RRM2B: variants seen among roughly 807,000 people sequenced by gnomAD.
RRM2B encodes ribonucleotide reductase regulatory TP53 inducible subunit M2B.
Under a neutral mutation model 45.9 loss-of-function variants are expected in RRM2B, and 20 were observed. The observed-to-expected ratio is 0.44, with a 90% CI of 0.31 to 0.63. The LOEUF (loss-of-function observed/expected upper bound fraction) is 0.63, where lower values mean the gene tolerates loss of function less well. RRM2B is among the 30% of genes least tolerant of loss of function. The probability of loss-of-function intolerance (pLI) is 0.09; values close to 1 mark genes in which losing one functional copy is unlikely to be tolerated. For missense variants in RRM2B, 320 were observed against 414.7 expected (o/e 0.77, Z 1.98); for synonymous variants, 124 against 132.3 (o/e 0.94, Z 0.43).
At chr8:102,222,661 T>C (rs915824352) in intron 5 of RRM2B, among the ~76,000 whole-genome samples, 1 of 152,182 alleles carries the variant, frequency 6.6e-6, no homozygotes, top group Non-Finnish European at 1.5e-5. Context: ...CTAAATAAAA[T>C]ATTCCTCCCT....
At chr8:102,213,947 T>C (rs1219466498) in intron 7 of RRM2B, 107 bp downstream of exon 7, 4 of 765,622 alleles carry the variant, frequency 5.2e-6, no homozygotes, top group African/African-American at 3.4e-5. Context: ...CAGAATAAAA[T>C]TGCTGGTATT....
Position 102,218,800 on chromosome 8 carries a change from A to G in RRM2B, c.684+14T>C. ...TGAATACAAATATAACTAGAAAAAC[A>G]TTCCATTCCTTACTTCATCTCTGCT... On this transcript the variant is annotated intron_variant, in intron 6 of 8. Coordinates refer to ENST00000251810, the MANE Select transcript of RRM2B (RefSeq NM_015713.5). 1.3e-6 allele frequency: 2 copies of G among 1,599,882 alleles called. No individual in the cohort carries two copies. Among genetic ancestry groups the G allele is most frequent in the Non-Finnish European group, 1.7e-6 (2 of 1,167,402 alleles).
chr8:102,226,809 G>GT lies in RRM2B; in HGVS notation c.205-776dup, dbSNP rs577686030. On this transcript the variant is annotated intron_variant, in intron 2 of 8. Coordinates refer to ENST00000251810, the MANE Select transcript of RRM2B (RefSeq NM_015713.5). The stretch of plus-strand genomic sequence containing the variant: ...GCTCACTGCAACCTTCGCCTCCCAG[G>GT]TTCAAGCAATCCTCCTGCCTCAGCC... Among the ~76,000 whole-genome samples the GT allele has an allele frequency of 1.1e-4, 16 of 152,306 alleles. No individual in the cohort carries two copies. The South Asian group carries it at 2.9e-3, about 28-fold the overall frequency.
At chr8:102,238,589 G>A in intron 1 of RRM2B, 1 of 1,526,798 alleles carries the variant, frequency 6.5e-7, no homozygotes, top group Non-Finnish European at 8.8e-7. Context: ...CGTCGTCCTT[G>A]GCTGGCCCCG....
In RRM2B at chr8:102,212,764, T is replaced by G. The variant is rs768500841; in HGVS notation, c.903+12A>C. The stretch of plus-strand genomic sequence containing the variant: ...ATTTTAACTAGTAGTAACACATTTT[T>G]AAACACATTACCTTTGAGAATCCAA... On this transcript the variant is annotated intron_variant, in intron 8 of 8. Transcript: ENST00000251810. 5.7e-6 allele frequency: 8 copies of G among 1,408,498 alleles called. No homozygotes were observed. The South Asian group carries it at 9.2e-5, about 16-fold the overall frequency. 87.3% of individuals were successfully genotyped at this position (1,408,498 alleles called of 1,614,324 possible).
At position 102,232,272 on chromosome 8, in the gene RRM2B, T is replaced by C; in HGVS notation, c.81A>G (p.Ile27Met). The change falls in exon 2 of 9, where the codon ATA (isoleucine) becomes ATG (methionine). Residue 27 changes from isoleucine to methionine, a missense_variant. Physicochemically the swap from Ile to Met is conservative, Grantham distance 10. Around this residue, in one of 3 missense-constraint regions of RRM2B, gnomAD observed 48 missense variants for 35.3 expected, o/e 1.36. Coordinates refer to ENST00000251810, the MANE Select transcript of RRM2B (RefSeq NM_015713.5). Reference sequence around the variant, plus strand: ...TTAGGAGTGGCTCTTCATTTGACTTTATTTCACTTTCGTTGGTGTCTGAAG... The same window carrying C: ...TTAGGAGTGGCTCTTCATTTGACTTCATTTCACTTTCGTTGGTGTCTGAAG... ...RSSSDTNESE[I>M]KSNEEPLLRK... 7 of 1,614,194 alleles carry C rather than the reference T, an allele frequency of 4.3e-6. No individual in the cohort carries two copies. Among genetic ancestry groups the C allele is most frequent in the Non-Finnish European group, 5.9e-6 (7 of 1,180,002 alleles).
At chr8:102,215,274 A>ATGG (rs200638932) in intron 6 of RRM2B, among the ~76,000 whole-genome samples, 5,337 of 151,608 alleles carry the variant, frequency 0.035, 162 homozygotes, top group Admixed American at 0.085. Flanking sequence ...TTAGTCAGGC[A>ATGG]TGGTGCACAC....
At chr8:102,237,249 CTT>C (rs1811136941) in intron 1 of RRM2B, among the ~76,000 whole-genome samples, 5 of 152,296 alleles carry the variant, frequency 3.3e-5, no homozygotes, top group Admixed American at 3.3e-4. Context: ...CTATGGACCC[CTT>C]TCTCAGAAGA....
intron 8 of RRM2B, among the ~76,000 whole-genome samples, chr8:102,212,480 T>C: frequency 6.6e-6 from 1 of 152,220 alleles, no homozygotes; most frequent in East Asian, 1.9e-4. Context: ...GGTGAATATA[T>C]ATATGCATAT....
Position 102,208,105 on chromosome 8 carries a change from T to G in RRM2B, c.*28A>C. ...TAGACTACTATTTACCAATGACAAGTTTATAGAGTTTTAAAACGAGAGGTT... is the reference window on the plus strand; with the variant it reads ...TAGACTACTATTTACCAATGACAAGGTTATAGAGTTTTAAAACGAGAGGTT... On this transcript the variant is annotated 3_prime_UTR_variant, in exon 9 of 9. Coordinates refer to ENST00000251810, the MANE Select transcript of RRM2B (RefSeq NM_015713.5). 1 of 1,592,496 alleles carries G rather than the reference T, an allele frequency of 6.3e-7. No homozygotes were observed. Among genetic ancestry groups the G allele is most frequent in the East Asian group, 2.2e-5 (1 of 44,726 alleles).
chr8:102,224,468 C>T (rs1467138356), intron 4 of RRM2B, among the ~76,000 whole-genome samples: 1 of 152,142 alleles, frequency 6.6e-6, no homozygotes, highest in Non-Finnish European at 1.5e-5. Flanking sequence ...GCCACCATGC[C>T]TTGGCCTCAC....
Position 102,214,151 on chromosome 8 carries a change from T to C in RRM2B, c.692A>G (p.His231Arg). Residue 231 changes from histidine (H) to arginine (R), a missense_variant, in exon 7 of 9, where the codon CAC becomes CGC. Around this residue, in one of 3 missense-constraint regions of RRM2B, gnomAD observed 225 missense variants for 289.4 expected, o/e 0.78. Transcript: ENST00000251810. ...NELISRDEGL[H>R]CDFACLMFQY... ...GAACATCAGGCAAGCAAAGTCACAG[T>C]GAAGTCCCTAAAAGGGAAGAAAAAT... is the stretch of plus-strand genomic sequence containing the variant. 6.2e-7 allele frequency: 1 copy of C among 1,610,618 alleles called. No homozygotes were observed. The highest frequency in any genetic ancestry group is 8.5e-7 in the Non-Finnish European group (1 of 1,177,122).
intron 1 of RRM2B, among the ~76,000 whole-genome samples, chr8:102,237,746 G>C (rs193164382): frequency 3.9e-5 from 6 of 152,350 alleles, no homozygotes; most frequent in Admixed American, 6.5e-5. Context: ...GAGTAGGGAA[G>C]TTGGTACTAA....
In RRM2B at chr8:102,220,435, T is replaced by C. The variant is rs1258861077; in HGVS notation, c.551-1488A>G. ...CAAACGTGAATAAAAGAAAAATTGA[T>C]ATTTTAATTTTTGTTAGAGACAGTA... is the stretch of plus-strand genomic sequence containing the variant. On this transcript the variant is annotated intron_variant, in intron 5 of 8. Transcript: ENST00000251810. Among the ~76,000 whole-genome samples, 4 of 152,014 alleles carry C rather than the reference T, an allele frequency of 2.6e-5. No homozygotes were observed. The East Asian group carries it at 5.8e-4, about 22-fold the overall frequency.
intron 1 of RRM2B, among the ~76,000 whole-genome samples, chr8:102,235,013 G>C (rs1054127377): frequency 6.6e-6 from 1 of 152,066 alleles, no homozygotes; most frequent in Non-Finnish European, 1.5e-5. Flanking sequence ...AGGTTAAAGT[G>C]GTCTGCTTTG....
intron 1 of RRM2B, among the ~76,000 whole-genome samples, chr8:102,236,134 A>G (rs1276033435): frequency 3.3e-5 from 5 of 152,234 alleles, no homozygotes; most frequent in African/African-American, 2.4e-5. Context: ...GATTTGGCTA[A>G]AGCAAAGGAT....
chr8:102,210,005 A>G (rs1032884944), intron 8 of RRM2B, among the ~76,000 whole-genome samples: 2 of 152,212 alleles, frequency 1.3e-5, no homozygotes, highest in African/African-American at 4.8e-5. Flanking sequence ...AAGGTGGGTA[A>G]GGGGAGGAAA....
chr8:102,224,468 CT>C (rs28928574), intron 4 of RRM2B, among the ~76,000 whole-genome samples: 15,923 of 152,234 alleles, frequency 0.1, 875 homozygotes, highest in Middle Eastern at 0.16. Flanking sequence ...GCCACCATGC[CT>C]TGGCCTCACT....
rs935080134 is a variant in RRM2B at position 102,238,750 on chromosome 8, T to C, written c.48+77A>G. The C allele has an allele frequency of 1.3e-5, 21 of 1,610,446 alleles. No individual in the cohort carries two copies. In the African/African-American group the frequency reaches 2.5e-4, roughly 19 times the overall value. On this transcript the variant is annotated intron_variant, in intron 1 of 8. Coordinates refer to ENST00000251810, the MANE Select transcript of RRM2B (RefSeq NM_015713.5). ...CCTGACCGCGGCGAATAACATTTCC[T>C]ACAGCGGTCCTGCAACTTGCAATCT...
Sources: allele counts gnomAD v4.1 joint callset (sites outside exome capture counted in the v4.1 genomes callset), GRCh38; gene constraint gnomAD v4.1.1; regional missense constraint gnomAD v4.1.1; transcripts MANE v1.5; gene names NCBI Gene and HGNC (gene_info 2026-07-23, HGNC 2026-07-21).